TRMT10B: variants seen among roughly 807,000 people sequenced by gnomAD.
The protein encoded by TRMT10B is tRNA methyltransferase 10B.
TRMT10B carries 33 observed loss-of-function variants against 43.8 expected under a neutral mutation model. The observed-to-expected ratio is 0.75, with a 90% CI of 0.57 to 1.01. TRMT10B has a LOEUF of 1.01. Ranked by LOEUF, TRMT10B falls within the 50% of genes least tolerant of loss-of-function variation. TRMT10B has a pLI of 0.00. For synonymous variants in TRMT10B, 137 were observed against 130.6 expected (o/e 1.05, Z -0.34); for missense variants, 362 against 369.8 (o/e 0.98, Z 0.17).
chr9:37,756,846 GTATA>G (rs557393888), intron 1 of TRMT10B, among the ~76,000 whole-genome samples: 1 of 150,950 alleles, frequency 6.6e-6, no homozygotes, highest in Non-Finnish European at 1.5e-5. Context: ...ATGTATGTGT[GTATA>G]TATACACACA....
chr9:37,753,281 A>G (rs988118092), upstream of TRMT10B, among the ~76,000 whole-genome samples: 5 of 152,224 alleles, frequency 3.3e-5, no homozygotes, highest in Admixed American at 6.5e-5. Flanking sequence ...TTCCGGACAC[A>G]ATATGATATC....
At chr9:37,759,524 T>C (rs977046529) in intron 1 of TRMT10B, among the ~76,000 whole-genome samples, 1 of 152,202 alleles carries the variant, frequency 6.6e-6, no homozygotes. Context: ...AGTTAAACTT[T>C]CTGGGGAGTG....
chr9:37,774,820 T>C (rs1297210862), intron 7 of TRMT10B, among the ~76,000 whole-genome samples: 2 of 152,212 alleles, frequency 1.3e-5, no homozygotes, highest in African/African-American at 4.8e-5. Context: ...ACCATACTCA[T>C]GATGGCCAGT....
rs1376563452 is a variant in TRMT10B at position 37,767,512 on chromosome 9, C to CAAAAAAAAAAAAAAAA, written c.421-564_421-563insAAAAAAAAAAAAAAAA. ...TGGGTAACACAGCCAGACCCTGTCT[C>CAAAAAAAAAAAAAAAA]CAAAAAAAAAAAAAAAAAAAAAATC... On this transcript the variant is annotated intron_variant, in intron 4 of 8. Transcript: ENST00000297994. 55 of 60,852 alleles carry CAAAAAAAAAAAAAAAA rather than the reference C, an allele frequency of 9.0e-4. 2 individuals are homozygous for CAAAAAAAAAAAAAAAA. Among genetic ancestry groups the CAAAAAAAAAAAAAAAA allele is most frequent in the Non-Finnish European group, 1.2e-3 (42 of 35,868 alleles). 3.8% of individuals were successfully genotyped at this position (60,852 alleles called of 1,614,324 possible).
In TRMT10B at chr9:37,778,209, ATATGT is replaced by A. The variant is rs576021501; in HGVS notation, c.*505_*509del. ...TGCCTGGCTCACAGGAAGTGCTCAG[ATATGT>A]TAAGTAATAAAAAGTTAATGTGGTG... On this transcript the variant is annotated 3_prime_UTR_variant, in exon 9 of 9. Transcript: ENST00000297994. The A allele has an allele frequency of 6.4e-3, 993 of 154,386 alleles. 9 individuals are homozygous for A. Among genetic ancestry groups the A allele is most frequent in the Admixed American group, 0.013 (195 of 15,490 alleles). The allele number at this position is 154,386 out of a possible 1,614,324, so 9.6% of individuals were successfully genotyped here. A position where few individuals can be genotyped will look rare whatever the true frequency, so the allele number is the denominator to read the frequency against.
intron 7 of TRMT10B, 44 bp from the exon 8 acceptor site, chr9:37,776,238 A>T: frequency 7.2e-7 from 1 of 1,386,586 alleles, no homozygotes; most frequent in Non-Finnish European, 9.5e-7. Flanking sequence ...GAATATACTC[A>T]TGTATAATTT....
intron 5 of TRMT10B, chr9:37,769,643 G>GC (rs1318197990): frequency 3.7e-6 from 1 of 271,804 alleles, no homozygotes. Flanking sequence ...TTAAAGACAG[G>GC]CTGAAGTGCA....
In TRMT10B at chr9:37,763,659, T is replaced by C. The variant is rs1392850984; in HGVS notation, c.326T>C (p.Leu109Pro). Reference sequence around the variant, plus strand: ...TGCCCCCAGCACAGCAAACGTTTCCTGAGAGCTCTAACCAAAGACAAACTT... The same window carrying C: ...TGCCCCCAGCACAGCAAACGTTTCCCGAGAGCTCTAACCAAAGACAAACTT... ...GICPQHSKRF[L>P]RALTKDKLLE... The change falls in exon 4 of 9, where the codon CTG (leucine) becomes CCG (proline). Residue 109 changes from leucine to proline, a missense_variant. Physicochemically the swap from Leu to Pro is moderately conservative, Grantham distance 98. Transcript: ENST00000297994. 6.2e-7 allele frequency: 1 copy of C among 1,614,190 alleles called. No homozygotes were observed. Among genetic ancestry groups the C allele is most frequent in the South Asian group, 1.1e-5 (1 of 91,084 alleles).
At chr9:37,769,228 A>G (rs1827287819) in intron 5 of TRMT10B, among the ~76,000 whole-genome samples, 1 of 137,684 alleles carries the variant, frequency 7.3e-6, no homozygotes. Flanking sequence ...GGATCACTTG[A>G]GCTTGAGAGG....
chr9:37,759,322 A>T (rs1197498608), intron 1 of TRMT10B, among the ~76,000 whole-genome samples: 2 of 152,240 alleles, frequency 1.3e-5, no homozygotes, highest in Non-Finnish European at 2.9e-5. Context: ...TGATACATGC[A>T]GCAACATGTA....
rs915531293 is a variant in TRMT10B at position 37,777,518 on chromosome 9, G to T, written c.845-83G>T. 84 of 1,219,018 alleles carry T rather than the reference G, an allele frequency of 6.9e-5. No homozygotes were observed. In the Admixed American group the frequency reaches 1.5e-3, roughly 21 times the overall value. The allele number at this position is 1,219,018 out of a possible 1,614,324, so 75.5% of individuals were successfully genotyped here. ...ATGGTGCAGAATAGGTTTGTTGAAC[G>T]AAATATTACAGAACATCCTTTTCAT... On this transcript the variant is annotated intron_variant, in intron 8 of 8. Transcript: ENST00000297994.
Position 37,776,343 on chromosome 9 carries a change from A to C in TRMT10B, c.782A>C (p.Glu261Ala), listed in dbSNP as rs766547235. 1.9e-6 allele frequency: 3 copies of C among 1,612,594 alleles called. No individual in the cohort carries two copies. The highest frequency in any genetic ancestry group is 3.3e-5 in the Admixed American group (2 of 59,816). Residue 261 changes from glutamate (E) to alanine (A), a missense_variant, in exon 8 of 9, where the codon GAA (glutamate) becomes GCA (alanine). Glu to Ala is a moderately radical substitution (Grantham distance 107). Transcript: ENST00000297994. ...SVKTARLPIQEYMVRNQNGKN... is the reference protein window; with the variant it reads ...SVKTARLPIQAYMVRNQNGKN... ...AAGACCGCACGCTTGCCAATCCAGG[A>C]ATACATGGTCAGAAACCAGAATGGG...
intron 7 of TRMT10B, among the ~76,000 whole-genome samples, chr9:37,773,956 TA>T (rs544100530): frequency 1.8e-3 from 235 of 127,682 alleles, no homozygotes; most frequent in African/African-American, 3.7e-3. Flanking sequence ...ACCCTGTCTC[TA>T]AAAAAAAAAA....
At chr9:37,769,591 G>GT (rs1356365163) in intron 5 of TRMT10B, 5 of 223,212 alleles carry the variant, frequency 2.2e-5, no homozygotes, top group Non-Finnish European at 4.5e-5. Flanking sequence ...TTGAAGCCCA[G>GT]TAACTAGTCG....
chr9:37,768,043 T>C (rs1827175452), intron 4 of TRMT10B, 33 bp from the exon 5 acceptor site: 1 of 1,609,372 alleles, frequency 6.2e-7, no homozygotes, highest in Admixed American at 1.7e-5. Flanking sequence ...AGTTGGCATG[T>C]TTTTGCCCTG....
At chr9:37,759,071 A>T (rs1379855451) in intron 1 of TRMT10B, among the ~76,000 whole-genome samples, 3 of 152,208 alleles carry the variant, frequency 2.0e-5, no homozygotes, top group Non-Finnish European at 4.4e-5. Context: ...AAAATGGTAT[A>T]ATACTTTGGG....
intron 1 of TRMT10B, among the ~76,000 whole-genome samples, chr9:37,759,390 G>C (rs1177445963): frequency 6.6e-6 from 1 of 152,204 alleles, no homozygotes; most frequent in East Asian, 1.9e-4. Flanking sequence ...CATACTGTTT[G>C]CATCTATTTA....
rs537454768 is a variant in TRMT10B at position 37,778,004 on chromosome 9, C to CA, written c.*307dup. 1,096 of 187,062 alleles carry CA rather than the reference C, an allele frequency of 5.9e-3. 1 individual carries two copies. The highest frequency in any genetic ancestry group is 8.4e-3 in the African/African-American group (338 of 40,414). The allele number at this position is 187,062 out of a possible 1,614,324, so 11.6% of individuals were successfully genotyped here. A position where few individuals can be genotyped will look rare whatever the true frequency, so the allele number is the denominator to read the frequency against. ...TGGGTGACAGAGCAAGACTCCATCT[C>CA]AAAAAAAAAATAAATAAAAAAAAAT... On this transcript the variant is annotated 3_prime_UTR_variant, in exon 9 of 9. Transcript: ENST00000297994.
chr9:37,754,829 G>A (rs1488528630), intron 1 of TRMT10B, among the ~76,000 whole-genome samples: 2 of 152,152 alleles, frequency 1.3e-5, no homozygotes, highest in Non-Finnish European at 2.9e-5. Context: ...AAAAATAAAT[G>A]AAATCTCACT....
Sources: gnomAD v4.1 joint callset for allele counts (sites outside exome capture counted in the v4.1 genomes callset) on GRCh38, gnomAD v4.1.1 for gene constraint, MANE v1.5 for transcripts, NCBI Gene and HGNC (gene_info 2026-07-23, HGNC 2026-07-21) for gene names.